CNTN5: variants seen among roughly 807,000 people sequenced by gnomAD.
CNTN5 encodes contactin-5.
CNTN5 carries 77 observed loss-of-function variants against 129.1 expected under a neutral mutation model. The observed-to-expected ratio is 0.60, with a 90% CI of 0.50 to 0.72. CNTN5 has a LOEUF of 0.72. Among genes scored for constraint, CNTN5 ranks in the 30% least tolerant of loss-of-function variants. The pLI is 0.00. For missense variants in CNTN5, 1,478 were observed against 1,328.8 expected (o/e 1.11, Z -1.75); for synonymous variants, 509 against 465.6 (o/e 1.09, Z -1.20).
At chr11:99,916,331 C>A (rs1004499880) in intron 7 of CNTN5, among the ~76,000 whole-genome samples, 182 bp downstream of exon 7, 3 of 152,142 alleles carry the variant, frequency 2.0e-5, no homozygotes, top group Non-Finnish European at 4.4e-5. Context: ...AGACAGGATA[C>A]TGAACTCCAA....
chr11:99,748,549 A>C (rs561337323), intron 3 of CNTN5, among the ~76,000 whole-genome samples: 5 of 152,306 alleles, frequency 3.3e-5, no homozygotes, highest in African/African-American at 1.2e-4. Flanking sequence ...GCCAATGTAT[A>C]ATTAAATGAG....
At chr11:100,100,413 GA>G (rs1470831628) in intron 13 of CNTN5, among the ~76,000 whole-genome samples, 1 of 152,022 alleles carries the variant, frequency 6.6e-6, no homozygotes, top group East Asian at 1.9e-4. Context: ...TTCACTTTTG[GA>G]AAACTTTCCT....
At chr11:99,622,325 A>G (rs1950977389) in intron 3 of CNTN5, among the ~76,000 whole-genome samples, 1 of 152,174 alleles carries the variant, frequency 6.6e-6, no homozygotes, top group Non-Finnish European at 1.5e-5. Flanking sequence ...GTTTAATGAA[A>G]TTAAAGCCCT....
At chr11:99,430,566 A>G (rs1591043247) in intron 2 of CNTN5, among the ~76,000 whole-genome samples, 1 of 151,446 alleles carries the variant, frequency 6.6e-6, no homozygotes, top group Non-Finnish European at 1.5e-5. Context: ...GATTTTAACC[A>G]TGGGCCTCCT....
At chr11:100,161,903 C>G (rs56942892) in intron 13 of CNTN5, among the ~76,000 whole-genome samples, 2 of 144,374 alleles carry the variant, frequency 1.4e-5, no homozygotes, top group African/African-American at 5.3e-5. Context: ...AAAAACACAC[C>G]TAAGCATTGA....
intron 13 of CNTN5, among the ~76,000 whole-genome samples, chr11:100,150,147 C>T (rs140881995): frequency 3.9e-5 from 6 of 152,056 alleles, no homozygotes; most frequent in African/African-American, 1.2e-4. Context: ...TAGCAGAATG[C>T]GCTTTTGCAT....
At chr11:99,889,121 C>T (rs1478714438) in intron 6 of CNTN5, among the ~76,000 whole-genome samples, 1 of 152,030 alleles carries the variant, frequency 6.6e-6, no homozygotes, top group Non-Finnish European at 1.5e-5. Context: ...CAGCAACGAT[C>T]CTTATTATTT....
intron 3 of CNTN5, among the ~76,000 whole-genome samples, chr11:99,705,443 A>G (rs1391945271): frequency 2.6e-5 from 4 of 151,340 alleles, no homozygotes; most frequent in African/African-American, 9.7e-5. Flanking sequence ...TGATAAATTC[A>G]CTGATACAAC....
At chr11:99,150,917 TTAAG>T (rs998726413) in intron 1 of CNTN5, among the ~76,000 whole-genome samples, 1 of 152,104 alleles carries the variant, frequency 6.6e-6, no homozygotes, top group African/African-American at 2.4e-5. Flanking sequence ...TTGAAAGGTC[TTAAG>T]TAAGAAATTA....
chr11:99,384,797 A>G (rs1193280266), intron 2 of CNTN5, among the ~76,000 whole-genome samples: 2 of 152,214 alleles, frequency 1.3e-5, no homozygotes, highest in Non-Finnish European at 2.9e-5. Context: ...ATGGAATACA[A>G]TGTGATGTTT....
At chr11:99,225,246 T>G (rs922386889) in intron 1 of CNTN5, among the ~76,000 whole-genome samples, 4 of 151,912 alleles carry the variant, frequency 2.6e-5, no homozygotes, top group African/African-American at 9.7e-5. Context: ...CAGGATGAGA[T>G]CGTGGCCCTC....
At chr11:100,286,823 A>G (rs1950806043) in intron 18 of CNTN5, among the ~76,000 whole-genome samples, 1 of 150,378 alleles carries the variant, frequency 6.6e-6, no homozygotes, top group African/African-American at 2.5e-5. Flanking sequence ...ACGGGAGGAC[A>G]TTCAAACCAA....
intron 1 of CNTN5, among the ~76,000 whole-genome samples, chr11:99,104,993 G>A (rs934938556): frequency 3.3e-5 from 5 of 152,106 alleles, no homozygotes; most frequent in East Asian, 1.9e-4. Context: ...TCAATGCACC[G>A]ATGTAATATA....
chr11:100,067,745 A>G (rs1943751630), intron 10 of CNTN5, among the ~76,000 whole-genome samples: 1 of 152,042 alleles, frequency 6.6e-6, no homozygotes, highest in Admixed American at 6.6e-5. Flanking sequence ...CCTTTCACCC[A>G]CTAGAGTTTG....
In CNTN5 at chr11:100,356,886, G is replaced by A. The variant is rs1340074324; in HGVS notation, c.*666G>A. On this transcript the variant is annotated 3_prime_UTR_variant, in exon 25 of 25. Coordinates refer to ENST00000524871, the MANE Select transcript of CNTN5 (RefSeq NM_014361.4). The stretch of plus-strand genomic sequence containing the variant: ...TTTACATTAGTGCAAGATAGAAAGC[G>A]AGTCCAGATGAATTTCAGTGCTATA... The A allele has an allele frequency of 1.3e-5, 2 of 151,712 alleles. No homozygotes were observed. The highest frequency in any genetic ancestry group is 2.1e-4 in the South Asian group (1 of 4,822). The allele number at this position is 151,712 out of a possible 1,614,324, so 9.4% of individuals were successfully genotyped here.
chr11:100,243,785 A>C (rs1192911134), intron 16 of CNTN5, among the ~76,000 whole-genome samples: 1 of 152,154 alleles, frequency 6.6e-6, no homozygotes, highest in Non-Finnish European at 1.5e-5. Context: ...CTGATTCCCC[A>C]TCATGTAGTC....
At chr11:99,403,174 T>C (rs563772728) in intron 2 of CNTN5, among the ~76,000 whole-genome samples, 1 of 152,100 alleles carries the variant, frequency 6.6e-6, no homozygotes, top group South Asian at 2.1e-4. Flanking sequence ...GCCTGGCTAA[T>C]TTTTTGTAGT....
At chr11:100,037,919 G>C (rs1942122705) in intron 9 of CNTN5, among the ~76,000 whole-genome samples, 2 of 152,032 alleles carry the variant, frequency 1.3e-5, no homozygotes, top group Admixed American at 1.3e-4. Context: ...CAAAAAACCA[G>C]CTCCTGGATT....
chr11:99,367,767 A>T (rs536130977), intron 2 of CNTN5, among the ~76,000 whole-genome samples: 5 of 152,126 alleles, frequency 3.3e-5, no homozygotes, highest in African/African-American at 4.8e-5. Context: ...GATTTAATGA[A>T]TATTGGAATT....
Sources: gnomAD v4.1 joint callset for allele counts (sites outside exome capture counted in the v4.1 genomes callset) on GRCh38, gnomAD v4.1.1 for gene constraint, MANE v1.5 for transcripts, NCBI Gene and HGNC (gene_info 2026-07-23, HGNC 2026-07-21) for gene names.